The following C2CD5 variants were observed in gnomAD, a reference collection of about 807,000 sequenced individuals.
C2CD5 encodes the protein C2 domain-containing protein 5.
A neutral mutation model predicts 130.3 loss-of-function variants in C2CD5; 109 were observed. The observed-to-expected ratio is 0.84, with a 90% CI of 0.72 to 0.98. The LOEUF (loss-of-function observed/expected upper bound fraction) is 0.98. Among genes scored for constraint, C2CD5 ranks in the 50% least tolerant of loss-of-function variants. The pLI is 0.00. For missense variants in C2CD5, 996 were observed against 1,261.8 expected, an observed-to-expected ratio of 0.79 and a Z score of 3.19; for synonymous variants, 454 against 429.2, an observed-to-expected ratio of 1.06 and a Z score of -0.71.
intron 15 of C2CD5, among the ~76,000 whole-genome samples, chr12:22,477,007 A>G (rs997734462): frequency 6.6e-6 from 1 of 152,178 alleles, no homozygotes; most frequent in African/African-American, 2.4e-5. Flanking sequence ...TCAAATATGA[A>G]TATGTTAACA....
rs575408628 is a variant in C2CD5, at chr12:22,490,354, G to A, written c.1263-136C>T. ...CTACTCAATATTAAATAATATTTAC[G>A]AGGTTTACCTCCTAAACCTAGCCTA... is the stretch of plus-strand genomic sequence containing the variant. On this transcript the variant is annotated intron_variant, in intron 11 of 26. Coordinates refer to ENST00000446597, the MANE Select transcript of C2CD5 (RefSeq NM_001286176.2). 2.4e-5 allele frequency: 12 copies of A among 508,904 alleles called. No individual in the cohort carries two copies. In the South Asian group the frequency reaches 2.5e-4, roughly 11 times the overall value. 31.5% of individuals were successfully genotyped at this position (508,904 alleles called of 1,614,324 possible). A position where few individuals can be genotyped will look rare whatever the true frequency, so the allele number is the denominator to read the frequency against.
chr12:22,481,385 A>G (rs981007088), intron 14 of C2CD5, among the ~76,000 whole-genome samples: 7 of 152,204 alleles, frequency 4.6e-5, no homozygotes, highest in Non-Finnish European at 8.8e-5. Context: ...GAAAACTGCC[A>G]ATAACACAGC....
chr12:22,477,565 GGTTT>G (rs886608592), intron 15 of C2CD5, among the ~76,000 whole-genome samples: 7 of 151,874 alleles, frequency 4.6e-5, no homozygotes, highest in African/African-American at 1.7e-4. Flanking sequence ...ACAATGTGCA[GGTTT>G]GTTACATATG....
At chr12:22,537,283 T>A (rs1951910592) in intron 2 of C2CD5, among the ~76,000 whole-genome samples, 1 of 152,116 alleles carries the variant, frequency 6.6e-6, no homozygotes, top group Admixed American at 6.5e-5. Context: ...GGCAGGGTGG[T>A]GCGTGCCTGG....
At chr12:22,482,426 T>C (rs1656461431) in intron 14 of C2CD5, 131 bp downstream of exon 14, 1 of 677,794 alleles carries the variant, frequency 1.5e-6, no homozygotes, top group Non-Finnish European at 2.4e-6. Flanking sequence ...TCTTAAAATG[T>C]CCTCGTCCCA....
chr12:22,524,925 T>A (rs575700913), intron 5 of C2CD5, among the ~76,000 whole-genome samples: 40 of 151,392 alleles, frequency 2.6e-4, no homozygotes, highest in Non-Finnish European at 8.8e-5. Flanking sequence ...CAATACAAAG[T>A]TTAAAAAATC....
chr12:22,451,292 C>T (rs1290264322), intron 26 of C2CD5, among the ~76,000 whole-genome samples: 1 of 151,946 alleles, frequency 6.6e-6, no homozygotes, highest in African/African-American at 2.4e-5. Flanking sequence ...ATAGGAATGA[C>T]AACAAAATTA....
At chr12:22,514,736 C>A (rs1591938975) in intron 8 of C2CD5, among the ~76,000 whole-genome samples, 1 of 151,750 alleles carries the variant, frequency 6.6e-6, no homozygotes, top group Non-Finnish European at 1.5e-5. Context: ...TTAGAAATAC[C>A]CAGATCTATG....
intron 10 of C2CD5, among the ~76,000 whole-genome samples, chr12:22,493,655 G>T (rs1428155847): frequency 6.6e-6 from 1 of 151,996 alleles, no homozygotes; most frequent in Non-Finnish European, 1.5e-5. Flanking sequence ...TAGAATTTTA[G>T]AATTAGACTA....
Position 22,523,431 on chromosome 12 carries a change from C to A in C2CD5, c.795G>T (p.Met265Ile). 2 of 1,611,936 alleles carry A rather than the reference C, an allele frequency of 1.2e-6. No homozygotes were observed. The highest frequency in any genetic ancestry group is 1.7e-6 in the Non-Finnish European group (2 of 1,178,136). The change falls in exon 7 of 27, where the codon ATG becomes ATT. Residue 265 changes from methionine to isoleucine, a missense_variant. Physicochemically the swap from Met to Ile is conservative, Grantham distance 10. Around this residue, in one of 9 missense-constraint regions of C2CD5, gnomAD observed 156 missense variants for 165.9 expected, o/e 0.94. Transcript: ENST00000446597. ...LPACNSPSKE[M>I]KEIPFNEDPN... Reference sequence around the variant, plus strand: ...TTTCATTGATTCATACTTACTCCTTCATTTCTTTGGATGGGGAATTACATG... The same window carrying A: ...TTTCATTGATTCATACTTACTCCTTAATTTCTTTGGATGGGGAATTACATG...
intron 2 of C2CD5, among the ~76,000 whole-genome samples, chr12:22,542,253 C>T (rs1327439536): frequency 6.6e-6 from 1 of 152,180 alleles, no homozygotes; most frequent in East Asian, 1.9e-4. Context: ...AAAAAACTCC[C>T]CTGGCCAGGC....
At chr12:22,544,021 G>T in intron 2 of C2CD5, 40 bp downstream of exon 2, 2 of 1,475,308 alleles carry the variant, frequency 1.4e-6, no homozygotes, top group Non-Finnish European at 1.9e-6. Flanking sequence ...CACAGGGCTT[G>T]GCGCTCCCTG....
At chr12:22,467,838 G>A (rs1237011200) in intron 22 of C2CD5, among the ~76,000 whole-genome samples, 5 of 152,098 alleles carry the variant, frequency 3.3e-5, no homozygotes, top group Non-Finnish European at 7.4e-5. Flanking sequence ...GTATAGTAAC[G>A]ATCACATAAG....
At chr12:22,510,346 C>G (rs1949050372) in intron 9 of C2CD5, among the ~76,000 whole-genome samples, 1 of 152,122 alleles carries the variant, frequency 6.6e-6, no homozygotes, top group Admixed American at 6.6e-5. Context: ...CCCTGTGGTA[C>G]CTAGATAAAG....
chr12:22,449,714 A>G lies in C2CD5; in HGVS notation c.*46T>C. On this transcript the variant is annotated 3_prime_UTR_variant, in exon 27 of 27. Transcript: ENST00000446597. The stretch of plus-strand genomic sequence containing the variant: ...AAGATAATTAATGACAAAATAACAG[A>G]GATTGATGAATTTCATTTAGTTGAG... 1.3e-6 allele frequency: 2 copies of G among 1,495,512 alleles called. No individual in the cohort carries two copies. The highest frequency in any genetic ancestry group is 1.8e-6 in the Non-Finnish European group (2 of 1,089,438). 92.6% of individuals were successfully genotyped at this position (1,495,512 alleles called of 1,614,324 possible). A position where few individuals can be genotyped will look rare whatever the true frequency, so the allele number is the denominator to read the frequency against.
At chr12:22,456,233 A>T (rs972056941) in intron 25 of C2CD5, among the ~76,000 whole-genome samples, 1 of 152,212 alleles carries the variant, frequency 6.6e-6, no homozygotes, top group African/African-American at 2.4e-5. Flanking sequence ...TACAAACTGC[A>T]GCTGAAGTAA....
At chr12:22,489,033 A>G (rs958078925) in intron 12 of C2CD5, among the ~76,000 whole-genome samples, 2 of 151,590 alleles carry the variant, frequency 1.3e-5, no homozygotes, top group Admixed American at 6.6e-5. Context: ...CCACCATCAC[A>G]CCAGGCTAAT....
chr12:22,453,141 A>G (rs1939058923), intron 26 of C2CD5, among the ~76,000 whole-genome samples: 2 of 152,306 alleles, frequency 1.3e-5, no homozygotes, highest in Admixed American at 6.5e-5. Flanking sequence ...ATTAGTCTAT[A>G]TTAGAGCTTC....
intron 2 of C2CD5, among the ~76,000 whole-genome samples, chr12:22,536,788 A>G (rs1951855902): frequency 6.6e-6 from 1 of 152,098 alleles, no homozygotes; most frequent in Non-Finnish European, 1.5e-5. Context: ...GGGGTTTTCG[A>G]GTTATATTTG....
Sources: allele counts gnomAD v4.1 joint callset (sites outside exome capture counted in the v4.1 genomes callset), GRCh38; gene constraint gnomAD v4.1.1; regional missense constraint gnomAD v4.1.1; transcripts MANE v1.5; gene names NCBI Gene and HGNC (gene_info 2026-07-23, HGNC 2026-07-21).